The following CKAP2 variants were observed in gnomAD, a reference collection of about 807,000 sequenced individuals.
CKAP2 encodes the protein cytoskeleton associated protein 2, also known as cytoskeleton-associated protein 2.
In CKAP2, 46 loss-of-function variants were observed where a neutral mutation model predicts 58.4. The ratio of observed to expected loss-of-function variants is 0.79; its 90% CI spans 0.62 to 1.01. CKAP2 has a LOEUF of 1.01. Among genes scored for constraint, CKAP2 ranks in the 50% least tolerant of loss-of-function variants. CKAP2 has a pLI of 0.00. For missense variants in CKAP2, 809 were observed against 796.4 expected (o/e 1.02, Z -0.19); for synonymous variants, 293 against 280.9 (o/e 1.04, Z -0.43).
chr13:52,457,650 C>A (rs1958507808), intron 2 of CKAP2, among the ~76,000 whole-genome samples: 1 of 152,064 alleles, frequency 6.6e-6, no homozygotes, highest in South Asian at 2.1e-4. Flanking sequence ...GTCAGGAGAT[C>A]AAGACCAGCC....
chr13:52,464,948 G>T (rs1318241615), intron 5 of CKAP2, among the ~76,000 whole-genome samples: 1 of 151,986 alleles, frequency 6.6e-6, no homozygotes, highest in Non-Finnish European at 1.5e-5. Flanking sequence ...AACTTTTTCT[G>T]CCCTATTATT....
rs768292717 is a variant in CKAP2, at chr13:52,462,413, C to T, written c.1151C>T (p.Pro384Leu). Reference protein sequence around the residue: ...KAGKGRVLKRPPNSVVTQHEP... With the variant: ...KAGKGRVLKRLPNSVVTQHEP... ...GGCAAAGGAAGAGTGCTAAAAAGGCCCCCTAATTCAGTAGTTACTCAGCAT... is the reference window on the plus strand; with the variant it reads ...GGCAAAGGAAGAGTGCTAAAAAGGCTCCCTAATTCAGTAGTTACTCAGCAT... Residue 384 changes from proline (P) to leucine (L), a missense_variant, in exon 5 of 9, where the codon CCC becomes CTC. This residue lies in a region of CKAP2 where 523 missense variants were observed against 492.4 expected (regional missense o/e 1.06). Coordinates refer to ENST00000258607, the MANE Select transcript of CKAP2 (RefSeq NM_018204.5). 35 of 1,613,842 alleles carry T rather than the reference C, an allele frequency of 2.2e-5. No homozygotes were observed. Among genetic ancestry groups the T allele is most frequent in the Non-Finnish European group, 2.5e-5 (30 of 1,179,992 alleles).
Position 52,464,573 on chromosome 13 carries a change from AAC to A in CKAP2, c.1306-720_1306-719del, listed in dbSNP as rs1555259331. Among the ~76,000 whole-genome samples the A allele has an allele frequency of 1.2e-3, 175 of 149,842 alleles. 1 individual carries two copies. The highest frequency in any genetic ancestry group is 4.1e-3 in the East Asian group (21 of 5,180). On this transcript the variant is annotated intron_variant, in intron 5 of 8. Coordinates refer to ENST00000258607, the MANE Select transcript of CKAP2 (RefSeq NM_018204.5). Reference sequence around the variant, plus strand: ...CGTCTCAAAAAAAAAAAAAAAAAAAAACAATCCCATTCATCTAAGCCAACATC... The same window carrying A: ...CGTCTCAAAAAAAAAAAAAAAAAAAAAATCCCATTCATCTAAGCCAACATC...
At chr13:52,456,633 C>G in intron 2 of CKAP2, 26 bp downstream of exon 2, 2 of 1,537,778 alleles carry the variant, frequency 1.3e-6, no homozygotes, top group East Asian at 2.3e-5. Flanking sequence ...TTTCTTTTCA[C>G]TTCTGTAAAA....
intron 8 of CKAP2, 136 bp downstream of exon 8, chr13:52,474,220 T>C: frequency 1.2e-6 from 1 of 859,738 alleles, no homozygotes; most frequent in Non-Finnish European, 1.7e-6. Flanking sequence ...GCATGGTGGC[T>C]CACGCCTGTA....
intron 7 of CKAP2, among the ~76,000 whole-genome samples, chr13:52,473,337 C>A (rs763521083): frequency 2.0e-5 from 3 of 152,140 alleles, no homozygotes; most frequent in Non-Finnish European, 2.9e-5. Flanking sequence ...AAGCTCATTA[C>A]AATCTAGCTC....
intron 8 of CKAP2, among the ~76,000 whole-genome samples, chr13:52,474,339 T>G (rs532781622): frequency 6.6e-6 from 1 of 151,722 alleles, no homozygotes; most frequent in South Asian, 2.1e-4. Flanking sequence ...TAAAAAAAAT[T>G]TTGGCTGGGC....
chr13:52,475,219 T>G lies in CKAP2; in HGVS notation c.*78T>G. 2 of 1,540,914 alleles carry G rather than the reference T, an allele frequency of 1.3e-6. No individual in the cohort carries two copies. The highest frequency in any genetic ancestry group is 1.8e-6 in the Non-Finnish European group (2 of 1,142,778). ...TGTTTTGAGTAGCTTTATATTGCTC[T>G]TAGGTCTGGAGTTGGCCATGTACCT... On this transcript the variant is annotated 3_prime_UTR_variant, in exon 9 of 9. Transcript: ENST00000258607.
Position 52,476,265 on chromosome 13 carries a change from CTATT to C in CKAP2, c.*1129_*1132del, listed in dbSNP as rs1203938881. The stretch of plus-strand genomic sequence containing the variant: ...GTTCATTCCACTTTGTATATCTTTT[CTATT>C]TATTGACTTCTCATGTTCTAGAGAG... On this transcript the variant is annotated 3_prime_UTR_variant, in exon 9 of 9. Transcript: ENST00000258607. 2.0e-5 allele frequency: 3 copies of C among 152,136 alleles called. No individual in the cohort carries two copies. Among genetic ancestry groups the C allele is most frequent in the Admixed American group, 6.6e-5 (1 of 15,260 alleles). 9.4% of individuals were successfully genotyped at this position (152,136 alleles called of 1,614,324 possible).
intron 7 of CKAP2, among the ~76,000 whole-genome samples, chr13:52,469,644 C>T (rs1281169994): frequency 7.5e-5 from 11 of 146,034 alleles, no homozygotes; most frequent in South Asian, 2.2e-4. Context: ...GGCCAGACTG[C>T]GGACTGCAGT....
chr13:52,457,252 A>G (rs1594132393), intron 2 of CKAP2, among the ~76,000 whole-genome samples: 1 of 152,188 alleles, frequency 6.6e-6, no homozygotes, highest in Admixed American at 6.5e-5. Flanking sequence ...AACAATTATA[A>G]AGCAAAGTAT....
At chr13:52,459,836 G>A (rs1958542061) in intron 2 of CKAP2, among the ~76,000 whole-genome samples, 1 of 151,984 alleles carries the variant, frequency 6.6e-6, no homozygotes, top group South Asian at 2.1e-4. Flanking sequence ...TCTTGAGGAG[G>A]GATTTTCTTT....
intron 4 of CKAP2, 76 bp from the exon 5 acceptor site, chr13:52,462,286 AT>A: frequency 7.5e-7 from 1 of 1,329,420 alleles, no homozygotes; most frequent in Admixed American, 2.3e-5. Flanking sequence ...TAAAAATATG[AT>A]TTTTTCTTTT....
intron 5 of CKAP2, among the ~76,000 whole-genome samples, chr13:52,464,109 G>A (rs576335432): frequency 6.6e-6 from 1 of 152,212 alleles, no homozygotes; most frequent in Admixed American, 6.5e-5. Context: ...TTTACTTACT[G>A]CTTCTAATAT....
chr13:52,468,383 T>C, intron 7 of CKAP2, 36 bp downstream of exon 7: 1 of 1,295,784 alleles, frequency 7.7e-7, no homozygotes. Context: ...TCATGTGAAC[T>C]GTAGTTTTTT....
Position 52,462,504 on chromosome 13 carries a change from A to G in CKAP2, c.1242A>G (p.Glu414=), listed in dbSNP as rs1958602578. ...SFWTTMAEED[E]QRLFTEKVNN... Reference sequence around the variant, plus strand: ...GGACTACCATGGCAGAAGAAGATGAACAAAGATTATTTACTGAAAAAGTAA... The same window carrying G: ...GGACTACCATGGCAGAAGAAGATGAGCAAAGATTATTTACTGAAAAAGTAA... The change falls in exon 5 of 9, where the codon GAA becomes GAG. Residue 414 remains glutamate, a synonymous_variant. Transcript: ENST00000258607. The G allele has an allele frequency of 1.2e-6, 2 of 1,614,150 alleles. No homozygotes were observed. Among genetic ancestry groups the G allele is most frequent in the Non-Finnish European group, 8.5e-7 (1 of 1,180,014 alleles).
chr13:52,465,964 T>C (rs1272575599), intron 6 of CKAP2: 4 of 276,342 alleles, frequency 1.4e-5, no homozygotes, highest in African/African-American at 9.2e-5. Flanking sequence ...TGCACACATA[T>C]ATACACACAT....
rs1440106906 is a variant in CKAP2, at chr13:52,461,866, C to A, written c.1040C>A (p.Ala347Glu). The change falls in exon 4 of 9, where the codon GCA becomes GAA. Residue 347 changes from alanine to glutamate, a missense_variant. This residue lies in a region of CKAP2 where 523 missense variants were observed against 492.4 expected (regional missense o/e 1.06). Transcript: ENST00000258607. ...CCCGTTGACCAGCGAAGACATACTG[C>A]AGGAAAAGCAATTGTTGATAGTAGA... ...SEPVDQRRHT[A>E]GKAIVDSRSA... 2 of 1,613,988 alleles carry A rather than the reference C, an allele frequency of 1.2e-6. No homozygotes were observed. Among genetic ancestry groups the A allele is most frequent in the East Asian group, 4.5e-5 (2 of 44,884 alleles).
rs1046676103 is a variant in CKAP2, at chr13:52,462,639, A to G, written c.1305+72A>G. 5 of 1,217,370 alleles carry G rather than the reference A, an allele frequency of 4.1e-6. No individual in the cohort carries two copies. The Admixed American group carries it at 6.8e-5, about 16-fold the overall frequency. The allele number at this position is 1,217,370 out of a possible 1,614,324, so 75.4% of individuals were successfully genotyped here. A position where few individuals can be genotyped will look rare whatever the true frequency, so the allele number is the denominator to read the frequency against. ...TTCATAAGCATTATTTCATTAAATT[A>G]TATTGTCAGTCTTTTTGACCAGGTG... is the stretch of plus-strand genomic sequence containing the variant. On this transcript the variant is annotated intron_variant, in intron 5 of 8. Coordinates refer to ENST00000258607, the MANE Select transcript of CKAP2 (RefSeq NM_018204.5).
Sources: allele counts gnomAD v4.1 joint callset (sites outside exome capture counted in the v4.1 genomes callset), GRCh38; gene constraint gnomAD v4.1.1; regional missense constraint gnomAD v4.1.1; transcripts MANE v1.5; gene names NCBI Gene and HGNC (gene_info 2026-07-23, HGNC 2026-07-21).